Variants in SMYD3 observed in about 807,000 individuals in gnomAD.
The protein encoded by SMYD3 is SET and MYND domain containing 3.
Under a neutral mutation model 57.7 loss-of-function variants are expected in SMYD3, and 36 were observed. The observed-to-expected ratio is 0.62, with a 90% CI of 0.48 to 0.82. SMYD3 has a LOEUF of 0.82. Ranked by LOEUF, SMYD3 falls within the 40% of genes least tolerant of loss-of-function variation. The probability of loss-of-function intolerance (pLI) is 0.00; values close to 1 mark genes in which losing one functional copy is unlikely to be tolerated. For missense variants in SMYD3, 515 were observed against 538.8 expected, an observed-to-expected ratio of 0.96 and a Z score of 0.44; for synonymous variants, 211 against 195.0, an observed-to-expected ratio of 1.08 and a Z score of -0.68.
chr1:246,072,392 C>G (rs1278363834), intron 5 of SMYD3, among the ~76,000 whole-genome samples: 1 of 150,664 alleles, frequency 6.6e-6, no homozygotes, highest in East Asian at 2.0e-4. Flanking sequence ...ACTGTGCTCA[C>G]TGTGGCTGCA....
intron 10 of SMYD3, among the ~76,000 whole-genome samples, chr1:245,809,914 T>C (rs992268742): frequency 2.0e-5 from 3 of 152,196 alleles, no homozygotes; most frequent in African/African-American, 7.2e-5. Flanking sequence ...TCTCTCTCAT[T>C]GTCATTTTCA....
intron 5 of SMYD3, among the ~76,000 whole-genome samples, chr1:246,107,090 G>A (rs1033778397): frequency 6.9e-6 from 1 of 143,950 alleles, no homozygotes; most frequent in Non-Finnish European, 1.5e-5. Context: ...ACAAGGTCAG[G>A]AGATCGAGAC....
At chr1:246,419,489 G>A (rs1056432540) in intron 1 of SMYD3, among the ~76,000 whole-genome samples, 5 of 152,184 alleles carry the variant, frequency 3.3e-5, no homozygotes, top group African/African-American at 1.2e-4. Flanking sequence ...GGGCGTGGTA[G>A]ACCAGGGTAG....
At chr1:246,205,239 A>G (rs1055900344) in intron 5 of SMYD3, among the ~76,000 whole-genome samples, 1 of 152,236 alleles carries the variant, frequency 6.6e-6, no homozygotes, top group African/African-American at 2.4e-5. Context: ...ATCACAAATT[A>G]GCTCAAGAAA....
intron 5 of SMYD3, among the ~76,000 whole-genome samples, chr1:246,089,477 A>C (rs1471455235): frequency 6.6e-6 from 1 of 152,190 alleles, no homozygotes; most frequent in Non-Finnish European, 1.5e-5. Flanking sequence ...GTGCATATCC[A>C]ACCCATCCCT....
chr1:246,246,196 C>A (rs2063701046), intron 5 of SMYD3, among the ~76,000 whole-genome samples: 1 of 152,136 alleles, frequency 6.6e-6, no homozygotes, highest in Non-Finnish European at 1.5e-5. Context: ...ATTATGGTGG[C>A]TTTCTTTAGT....
intron 10 of SMYD3, among the ~76,000 whole-genome samples, chr1:245,837,460 G>T (rs1315222165): frequency 6.6e-6 from 1 of 152,078 alleles, no homozygotes; most frequent in Non-Finnish European, 1.5e-5. Flanking sequence ...TCTATGGCCT[G>T]AACAAGCAGC....
chr1:246,502,626 CT>C lies in SMYD3; in HGVS notation c.164+4427del, dbSNP rs527890664. Among the ~76,000 whole-genome samples the C allele has an allele frequency of 4.8e-3, 726 of 152,252 alleles. 8 individuals are homozygous for C. The highest frequency in any genetic ancestry group is 4.2e-3 in the Non-Finnish European group (285 of 68,022). ...TCCTTACCCGGGCTGGTTTAAATGG[CT>C]GCTTTCGGGTAGATTTCCCTCCAAG... is the stretch of plus-strand genomic sequence containing the variant. On this transcript the variant is annotated intron_variant, in intron 1 of 11. Transcript: ENST00000490107.
chr1:246,478,661 G>A lies in SMYD3; in HGVS notation c.164+28393C>T, dbSNP rs74155517. 5.0e-3 allele frequency among the ~76,000 whole-genome samples: 567 copies of A among 114,130 alleles called. 64 individuals carry two copies. Among genetic ancestry groups the A allele is most frequent in the African/African-American group, 0.023 (470 of 20,576 alleles). The allele number at this position is 114,130 out of a possible 152,430, so 74.9% of individuals were successfully genotyped here. A position where few individuals can be genotyped will look rare whatever the true frequency, so the allele number is the denominator to read the frequency against. ...TACATCTGTCCTCCGTCCTGGAGCT[G>A]GTACGTAAGTGCTCATATATGCACA... On this transcript the variant is annotated intron_variant, in intron 1 of 11. Transcript: ENST00000490107.
intron 10 of SMYD3, among the ~76,000 whole-genome samples, chr1:245,850,389 T>C (rs1375143807): frequency 4.6e-5 from 7 of 152,150 alleles, no homozygotes; most frequent in Admixed American, 4.6e-4. Context: ...AGAGTTTAAG[T>C]TTGATTCTAA....
At chr1:245,876,216 TC>T (rs2148531831) in intron 8 of SMYD3, among the ~76,000 whole-genome samples, 1 of 152,306 alleles carries the variant, frequency 6.6e-6, no homozygotes, top group East Asian at 1.9e-4. Flanking sequence ...GACCTGTTGT[TC>T]CTCCAGCTTT....
intron 5 of SMYD3, among the ~76,000 whole-genome samples, chr1:246,167,613 C>T (rs766813838): frequency 1.4e-4 from 21 of 151,310 alleles, no homozygotes; most frequent in Non-Finnish European, 2.4e-4. Flanking sequence ...CGGGTTCAAG[C>T]GATTCTCCTG....
At chr1:245,973,941 T>C (rs1189539941) in intron 5 of SMYD3, among the ~76,000 whole-genome samples, 2 of 152,234 alleles carry the variant, frequency 1.3e-5, no homozygotes, top group East Asian at 3.8e-4. Flanking sequence ...TTTTCTCATA[T>C]GAGAGTCATT....
At position 245,962,990 on chromosome 1, in the gene SMYD3, G is replaced by A. The variant is rs1451871251; in HGVS notation, c.532-33053C>T. On this transcript the variant is annotated intron_variant, in intron 5 of 11. Transcript: ENST00000490107. Reference sequence around the variant, plus strand: ...GGATTGCCGTGCAGTTACTGCCGCTGGCATTATTTTCTTAGCACACTAAGA... The same window carrying A: ...GGATTGCCGTGCAGTTACTGCCGCTAGCATTATTTTCTTAGCACACTAAGA... Among the ~76,000 whole-genome samples the A allele has an allele frequency of 3.3e-5, 5 of 152,148 alleles. No homozygotes were observed. In the East Asian group the frequency reaches 9.7e-4, roughly 29 times the overall value.
intron 5 of SMYD3, among the ~76,000 whole-genome samples, chr1:246,194,300 C>T (rs192968812): frequency 1.2e-4 from 18 of 151,038 alleles, no homozygotes; most frequent in East Asian, 3.9e-4. Flanking sequence ...TGGAGGCTCG[C>T]CCAGTCACCC....
At chr1:245,855,878 T>C (rs1357796143) in intron 10 of SMYD3, among the ~76,000 whole-genome samples, 2 of 152,220 alleles carry the variant, frequency 1.3e-5, no homozygotes, top group Non-Finnish European at 2.9e-5. Context: ...CTCCATCTAG[T>C]TGTTGCAAAC....
intron 8 of SMYD3, among the ~76,000 whole-genome samples, chr1:245,868,207 T>C (rs986868390): frequency 6.6e-6 from 1 of 152,340 alleles, no homozygotes. Flanking sequence ...AAGATAATCC[T>C]GAAGCTTACA....
intron 5 of SMYD3, among the ~76,000 whole-genome samples, chr1:245,956,986 T>C (rs2057864917): frequency 6.6e-6 from 1 of 152,220 alleles, no homozygotes; most frequent in African/African-American, 2.4e-5. Flanking sequence ...ATTAAACTAA[T>C]TCTCATTTTG....
chr1:245,992,318 T>C (rs866326092), intron 5 of SMYD3, among the ~76,000 whole-genome samples: 1 of 152,184 alleles, frequency 6.6e-6, no homozygotes, highest in South Asian at 2.1e-4. Context: ...TTCTATCATA[T>C]TCTATTGGTC....
Sources: gnomAD v4.1 joint callset for allele counts (sites outside exome capture counted in the v4.1 genomes callset) on GRCh38, gnomAD v4.1.1 for gene constraint, MANE v1.5 for transcripts, NCBI Gene and HGNC (gene_info 2026-07-23, HGNC 2026-07-21) for gene names.